Variants in LPP observed in about 807,000 individuals in gnomAD.
The protein encoded by LPP is lipoma-preferred partner.
LPP carries 38 observed loss-of-function variants against 60.4 expected under a neutral mutation model. The ratio of observed to expected loss-of-function variants is 0.63; its 90% CI spans 0.49 to 0.83. The LOEUF (loss-of-function observed/expected upper bound fraction) is 0.83. Among genes scored for constraint, LPP ranks in the 40% least tolerant of loss-of-function variants. The pLI is 0.00. For synonymous variants in LPP, 328 were observed against 290.8 expected (o/e 1.13, Z -1.30); for missense variants, 902 against 783.6 (o/e 1.15, Z -1.80).
chr3:188,648,617 T>C (rs1224032718), intron 7 of LPP, among the ~76,000 whole-genome samples: 1 of 152,190 alleles, frequency 6.6e-6, no homozygotes, highest in African/African-American at 2.4e-5. Context: ...ATTTGCTCTA[T>C]CTAGCCTTCA....
At chr3:188,807,261 T>C (rs1374263300) in intron 9 of LPP, among the ~76,000 whole-genome samples, 2 of 152,002 alleles carry the variant, frequency 1.3e-5, no homozygotes, top group African/African-American at 4.8e-5. Flanking sequence ...GATCTCAAAC[T>C]TTTATCCTTT....
intron 8 of LPP, among the ~76,000 whole-genome samples, chr3:188,723,264 A>G (rs1385164519): frequency 1.3e-5 from 2 of 152,214 alleles, no homozygotes; most frequent in Non-Finnish European, 2.9e-5. Flanking sequence ...CATAATCAAT[A>G]TAGAGTGTTT....
intron 3 of LPP, among the ~76,000 whole-genome samples, chr3:188,364,872 G>A (rs1382532905): frequency 6.6e-6 from 1 of 152,130 alleles, no homozygotes; most frequent in East Asian, 1.9e-4. Context: ...TTGATGTCTT[G>A]TATTTAAAAT....
At chr3:188,850,968 T>C (rs1762547106) in intron 9 of LPP, among the ~76,000 whole-genome samples, 1 of 152,236 alleles carries the variant, frequency 6.6e-6, no homozygotes, top group African/African-American at 2.4e-5. Flanking sequence ...TTTAGGGCTG[T>C]TAAATTGAAA....
chr3:188,635,422 C>A (rs190998652), intron 7 of LPP, among the ~76,000 whole-genome samples: 2 of 152,248 alleles, frequency 1.3e-5, no homozygotes, highest in African/African-American at 4.8e-5. Context: ...GTTACCAGTA[C>A]GTTTGGTTCT....
At chr3:188,819,731 C>T (rs943364511) in intron 9 of LPP, among the ~76,000 whole-genome samples, 3 of 151,922 alleles carry the variant, frequency 2.0e-5, no homozygotes, top group South Asian at 2.1e-4. Context: ...ACATGGGTGG[C>T]GATGATTCAG....
intron 8 of LPP, among the ~76,000 whole-genome samples, chr3:188,727,799 A>C (rs954325404): frequency 6.6e-6 from 1 of 152,182 alleles, no homozygotes; most frequent in African/African-American, 2.4e-5. Context: ...AGTCTTAGGC[A>C]GTTCAGTACC....
chr3:188,283,270 G>A (rs1018203346), intron 2 of LPP, among the ~76,000 whole-genome samples: 4 of 152,218 alleles, frequency 2.6e-5, no homozygotes, highest in African/African-American at 9.6e-5. Context: ...GGAGAAAGTG[G>A]TTTACATGAT....
intron 4 of LPP, among the ~76,000 whole-genome samples, chr3:188,444,877 T>C (rs1474871802): frequency 2.0e-5 from 3 of 151,978 alleles, no homozygotes; most frequent in African/African-American, 2.4e-5. Context: ...AACCAAAATA[T>C]GGAAAAAAAA....
rs1855234087 is a variant in LPP, at chr3:188,664,139, A to G, written c.1114-44128A>G. On this transcript the variant is annotated intron_variant, in intron 7 of 11. Coordinates refer to ENST00000617246, the MANE Select transcript of LPP (RefSeq NM_001375462.1). The stretch of plus-strand genomic sequence containing the variant: ...AATGAGGTTTTGGTTTTAAGTGCCA[A>G]CTCACCTCTAAGCTTTTTCAGATCC... 2.0e-5 allele frequency among the ~76,000 whole-genome samples: 3 copies of G among 152,220 alleles called. No individual in the cohort carries two copies. The South Asian group carries it at 6.2e-4, about 32-fold the overall frequency.
intron 6 of LPP, among the ~76,000 whole-genome samples, chr3:188,592,557 G>GTTTGTTTGTTTTTTTTTTTT (rs1260656926): frequency 4.7e-5 from 4 of 85,752 alleles, no homozygotes; most frequent in South Asian, 5.7e-4. Context: ...TTTTGTTTTT[G>GTTTGTTTGTTTTTTTTTTTT]TTTTTTAAAT....
intron 5 of LPP, among the ~76,000 whole-genome samples, chr3:188,494,017 G>T (rs575348475): frequency 2.6e-5 from 4 of 152,236 alleles, no homozygotes; most frequent in African/African-American, 9.6e-5. Flanking sequence ...GATATCTGTT[G>T]TTCAGGGTAG....
chr3:188,501,550 C>A lies in LPP; in HGVS notation c.306+16846C>A, dbSNP rs538886101. 2.3e-3 allele frequency among the ~76,000 whole-genome samples: 343 copies of A among 151,490 alleles called. 2 individuals carry two copies. The highest frequency in any genetic ancestry group is 9.6e-3 in the South Asian group (46 of 4,774). On this transcript the variant is annotated intron_variant, in intron 5 of 11. Coordinates refer to ENST00000617246, the MANE Select transcript of LPP (RefSeq NM_001375462.1). ...GGATCACGAGGTCAGGAGATCGAGA[C>A]CATCCTGGCTAACGCGGTGAAACCC...
chr3:188,852,592 C>G lies in LPP; in HGVS notation c.1411-13608C>G, dbSNP rs551158551. 4.6e-5 allele frequency among the ~76,000 whole-genome samples: 7 copies of G among 152,300 alleles called. No homozygotes were observed. The South Asian group carries it at 1.4e-3, about 32-fold the overall frequency. Reference sequence around the variant, plus strand: ...TGTTATAAAGTGAGTTTGACTCCCTCTTGCTCTCTTGCTGTCATCCTCTCT... The same window carrying G: ...TGTTATAAAGTGAGTTTGACTCCCTGTTGCTCTCTTGCTGTCATCCTCTCT... On this transcript the variant is annotated intron_variant, in intron 9 of 11. Transcript: ENST00000617246.
chr3:188,251,525 TAAACA>T (rs2149577235), intron 2 of LPP, among the ~76,000 whole-genome samples: 1 of 152,278 alleles, frequency 6.6e-6, no homozygotes, highest in Non-Finnish European at 1.5e-5. Flanking sequence ...AATATATATG[TAAACA>T]AAACCTACGT....
chr3:188,311,851 C>T (rs1753561791), intron 2 of LPP, among the ~76,000 whole-genome samples: 1 of 152,042 alleles, frequency 6.6e-6, no homozygotes. Flanking sequence ...ATTGGCCAGG[C>T]TGGTCTCGAA....
At chr3:188,248,035 C>T (rs1438922709) in intron 2 of LPP, among the ~76,000 whole-genome samples, 1 of 151,980 alleles carries the variant, frequency 6.6e-6, no homozygotes, top group Non-Finnish European at 1.5e-5. Flanking sequence ...TTAAAGCTCC[C>T]GAGAGTTTAG....
intron 9 of LPP, among the ~76,000 whole-genome samples, chr3:188,802,549 G>A (rs530203195): frequency 1.1e-4 from 17 of 152,306 alleles, no homozygotes; most frequent in East Asian, 5.8e-4. Flanking sequence ...TCGTGAGGCC[G>A]AGGTGGGTGG....
At chr3:188,706,595 C>T in intron 7 of LPP, among the ~76,000 whole-genome samples, 1 of 152,182 alleles carries the variant, frequency 6.6e-6, no homozygotes, top group East Asian at 1.9e-4. Flanking sequence ...ACGCTTTAGA[C>T]ATCACACAAA....
Sources: gnomAD v4.1 joint callset for allele counts (sites outside exome capture counted in the v4.1 genomes callset) on GRCh38, gnomAD v4.1.1 for gene constraint, MANE v1.5 for transcripts, NCBI Gene and HGNC (gene_info 2026-07-23, HGNC 2026-07-21) for gene names.